The following COG5 variants were observed in gnomAD, a reference collection of about 807,000 sequenced individuals.
COG5 encodes the protein conserved oligomeric Golgi complex subunit 5.
Under a neutral mutation model 110.4 loss-of-function variants are expected in COG5, and 86 were observed. The observed-to-expected ratio is 0.78, with a 90% CI of 0.65 to 0.93. The LOEUF is 0.93. COG5 is among the 40% of genes least tolerant of loss of function. The pLI is 0.00. For missense variants in COG5, 1,077 were observed against 987.0 expected (o/e 1.09, Z -1.22); for synonymous variants, 360 against 334.6 (o/e 1.08, Z -0.83).
intron 3 of COG5, among the ~76,000 whole-genome samples, chr7:107,552,773 CA>C (rs1803007334): frequency 6.6e-6 from 1 of 152,080 alleles, no homozygotes; most frequent in African/African-American, 2.4e-5. Context: ...GATATATATT[CA>C]AAAGAAAATA....
intron 12 of COG5, among the ~76,000 whole-genome samples, chr7:107,287,766 C>T (rs934091700): frequency 6.6e-6 from 1 of 152,130 alleles, no homozygotes; most frequent in East Asian, 1.9e-4. Context: ...GTGTGTTTTA[C>T]TGTCTTCTTT....
At chr7:107,395,931 CTT>C (rs1790976710) in intron 7 of COG5, among the ~76,000 whole-genome samples, 1 of 152,078 alleles carries the variant, frequency 6.6e-6, no homozygotes, top group South Asian at 2.1e-4. Context: ...TTCAGGTAAA[CTT>C]AAGACAATAA....
chr7:107,291,075 TC>T (rs1255773732), intron 12 of COG5, among the ~76,000 whole-genome samples: 2 of 152,196 alleles, frequency 1.3e-5, no homozygotes, highest in Non-Finnish European at 2.9e-5. Flanking sequence ...TTGTTGAGCT[TC>T]CTGGATGGAT....
intron 7 of COG5, among the ~76,000 whole-genome samples, chr7:107,394,229 C>CT (rs1381695500): frequency 6.6e-6 from 1 of 151,052 alleles, no homozygotes; most frequent in African/African-American, 2.4e-5. Context: ...TCCCAAAATG[C>CT]TGTGATTACA....
At chr7:107,314,158 A>G (rs1368809527) in intron 11 of COG5, among the ~76,000 whole-genome samples, 6 of 152,198 alleles carry the variant, frequency 3.9e-5, no homozygotes, top group Non-Finnish European at 7.3e-5. Context: ...AGCACAAACT[A>G]GATGATTTTA....
At chr7:107,527,472 T>G in intron 5 of COG5, 115 bp from the exon 6 acceptor site, 1 of 1,129,534 alleles carries the variant, frequency 8.9e-7, no homozygotes, top group Non-Finnish European at 1.3e-6. Context: ...ATGGCACATG[T>G]TTACCTATGT....
At chr7:107,372,848 C>T in intron 7 of COG5, 88 bp from the exon 8 acceptor site, 1 of 1,273,372 alleles carries the variant, frequency 7.9e-7, no homozygotes, top group South Asian at 1.3e-5. Context: ...AGCAGGACTT[C>T]AGCAGTCCTA....
chr7:107,525,072 C>A (rs1299228243), intron 6 of COG5, among the ~76,000 whole-genome samples: 1 of 151,950 alleles, frequency 6.6e-6, no homozygotes, highest in Non-Finnish European at 1.5e-5. Flanking sequence ...GAATTACAGG[C>A]ACACACCACC....
At chr7:107,401,231 A>C (rs77783124) in intron 7 of COG5, among the ~76,000 whole-genome samples, 1,949 of 152,250 alleles carry the variant, frequency 0.013, 20 homozygotes, top group Non-Finnish European at 0.021. Flanking sequence ...ATTTAAGGAT[A>C]AAATAAAAAG....
chr7:107,563,792 C>T lies in COG5; in HGVS notation c.94+11G>A. ...CCAACCCCACGACCTGGTCAGACCCCGTCTCCTTACCGTCCTGCAGAAGTT... is the reference window on the plus strand; with the variant it reads ...CCAACCCCACGACCTGGTCAGACCCTGTCTCCTTACCGTCCTGCAGAAGTT... On this transcript the variant is annotated intron_variant, in intron 1 of 21. Transcript: ENST00000297135. 1 of 1,613,840 alleles carries T rather than the reference C, an allele frequency of 6.2e-7. No homozygotes were observed. Among genetic ancestry groups the T allele is most frequent in the Non-Finnish European group, 8.5e-7 (1 of 1,179,838 alleles).
chr7:107,311,936 C>A (rs567204920), intron 11 of COG5, among the ~76,000 whole-genome samples: 1 of 152,052 alleles, frequency 6.6e-6, no homozygotes, highest in South Asian at 2.1e-4. Flanking sequence ...CGATTCCTAG[C>A]TTATTCTAGG....
At chr7:107,549,624 G>A (rs375099209) in intron 3 of COG5, among the ~76,000 whole-genome samples, 3 of 148,228 alleles carry the variant, frequency 2.0e-5, no homozygotes, top group East Asian at 4.0e-4. Flanking sequence ...GGATGGTCTC[G>A]ACCTCCTGAC....
intron 16 of COG5, among the ~76,000 whole-genome samples, chr7:107,252,215 C>G (rs964448234): frequency 8.5e-5 from 13 of 152,138 alleles, no homozygotes; most frequent in African/African-American, 3.1e-4. Flanking sequence ...CTGGGCAGCA[C>G]AGTGGAACCC....
intron 1 of COG5, among the ~76,000 whole-genome samples, chr7:107,558,914 C>CAAAAAAAAAAAAAAAAAAAAACAAAAAAA (rs1803550435): frequency 3.2e-5 from 1 of 31,176 alleles, no homozygotes; most frequent in African/African-American, 8.5e-5. Flanking sequence ...GACTTCATCT[C>CAAAAAAAAAAAAAAAAAAAAACAAAAAAA]AAAAAAAAAA....
At chr7:107,403,876 C>G (rs551776239) in intron 7 of COG5, among the ~76,000 whole-genome samples, 1 of 151,988 alleles carries the variant, frequency 6.6e-6, no homozygotes, top group African/African-American at 2.4e-5. Context: ...GACAATTTAT[C>G]TGCAAATTAC....
At chr7:107,347,460 G>T (rs1394011081) in intron 10 of COG5, among the ~76,000 whole-genome samples, 1 of 152,158 alleles carries the variant, frequency 6.6e-6, no homozygotes, top group Non-Finnish European at 1.5e-5. Flanking sequence ...GCTTTCTATA[G>T]ATTTTGATAG....
intron 6 of COG5, among the ~76,000 whole-genome samples, chr7:107,420,499 C>A (rs761924295): frequency 6.6e-6 from 1 of 152,156 alleles, no homozygotes; most frequent in South Asian, 2.1e-4. Flanking sequence ...CTTGCTCTGT[C>A]GCTCAGGCTG....
chr7:107,417,256 A>G (rs979638129), intron 6 of COG5, among the ~76,000 whole-genome samples: 2 of 152,232 alleles, frequency 1.3e-5, no homozygotes, highest in South Asian at 4.1e-4. Context: ...GCTTAAAAGT[A>G]AATGTCTACT....
At chr7:107,550,023 C>CTTA (rs1241376597) in intron 3 of COG5, among the ~76,000 whole-genome samples, 2,253 of 152,160 alleles carry the variant, frequency 0.015, 58 homozygotes, top group African/African-American at 0.052. Flanking sequence ...TCTCTCTTCC[C>CTTA]CTGTACTGTT....
Sources: allele counts gnomAD v4.1 joint callset (sites outside exome capture counted in the v4.1 genomes callset), GRCh38; gene constraint gnomAD v4.1.1; transcripts MANE v1.5; gene names NCBI Gene and HGNC (gene_info 2026-07-23, HGNC 2026-07-21).